GPC5: variants seen among roughly 807,000 people sequenced by gnomAD.
GPC5 encodes glypican 5, also known as glypican-5.
Under a neutral mutation model 53.9 loss-of-function variants are expected in GPC5, and 47 were observed. The observed-to-expected ratio is 0.87, with a 90% CI of 0.69 to 1.11. The LOEUF is 1.11. Among genes scored for constraint, GPC5 ranks in the 50% most tolerant of loss-of-function variants. GPC5 has a pLI of 0.00. For missense variants in GPC5, 748 were observed against 713.1 expected (o/e 1.05, Z -0.56); for synonymous variants, 286 against 263.3 (o/e 1.09, Z -0.84).
At chr13:91,573,912 GTA>G (rs2032038398) in intron 2 of GPC5, among the ~76,000 whole-genome samples, 1 of 152,094 alleles carries the variant, frequency 6.6e-6, no homozygotes, top group African/African-American at 2.4e-5. Flanking sequence ...ACACCTATGT[GTA>G]TATGTCTATC....
intron 3 of GPC5, among the ~76,000 whole-genome samples, chr13:91,719,829 T>G (rs1395452005): frequency 7.1e-6 from 1 of 140,110 alleles, no homozygotes; most frequent in East Asian, 2.3e-4. Flanking sequence ...CTCTTCTCCC[T>G]CATTTTTTTT....
intron 6 of GPC5, among the ~76,000 whole-genome samples, chr13:91,925,094 C>A (rs1291124529): frequency 1.3e-5 from 2 of 152,182 alleles, no homozygotes; most frequent in East Asian, 3.9e-4. Flanking sequence ...GCCGGGATTA[C>A]AGGCGTGAGC....
chr13:92,362,244 T>G lies in GPC5; in HGVS notation c.1561+217255T>G, dbSNP rs1007528189. 2.6e-5 allele frequency among the ~76,000 whole-genome samples: 4 copies of G among 151,880 alleles called. No homozygotes were observed. The East Asian group carries it at 5.8e-4, about 22-fold the overall frequency. ...GCAGTGTTTTCCTTTTTTATTAGACTGTAAGAATTGCTTCTTTTCAAACTG... is the reference window on the plus strand; with the variant it reads ...GCAGTGTTTTCCTTTTTTATTAGACGGTAAGAATTGCTTCTTTTCAAACTG... On this transcript the variant is annotated intron_variant, in intron 7 of 7. Transcript: ENST00000377067.
intron 7 of GPC5, among the ~76,000 whole-genome samples, chr13:92,333,598 C>T (rs982288334): frequency 6.6e-6 from 1 of 152,088 alleles, no homozygotes; most frequent in Non-Finnish European, 1.5e-5. Flanking sequence ...TAAAAAAAGA[C>T]TGAGACTGAA....
chr13:92,273,861 G>T (rs9516030), intron 7 of GPC5, among the ~76,000 whole-genome samples: 12,774 of 152,098 alleles, frequency 0.084, 601 homozygotes, highest in Middle Eastern at 0.12. Flanking sequence ...CATATGCAAT[G>T]AAATAAGAAA....
chr13:91,905,950 A>G (rs796213894), intron 5 of GPC5, among the ~76,000 whole-genome samples: 1 of 152,070 alleles, frequency 6.6e-6, no homozygotes, highest in African/African-American at 2.4e-5. Flanking sequence ...GATGACTTGT[A>G]TAGTGGTGAA....
rs577019829 is a variant in GPC5, at chr13:92,232,864, G to A, written c.1561+87875G>A. ...AATTGTAGCAGTTATCCAATCTTCC[G>A]CATTTTTTTTGACGATTCAAGCAAG... On this transcript the variant is annotated intron_variant, in intron 7 of 7. Transcript: ENST00000377067. 1.1e-4 allele frequency among the ~76,000 whole-genome samples: 17 copies of A among 152,094 alleles called. No individual in the cohort carries two copies. In the East Asian group the frequency reaches 2.7e-3, roughly 24 times the overall value.
rs183244551 is a variant in GPC5, at chr13:92,593,018, C to T, written c.1562-273264C>T. Among the ~76,000 whole-genome samples, 26 of 150,940 alleles carry T rather than the reference C, an allele frequency of 1.7e-4. 1 individual carries two copies. Among genetic ancestry groups the T allele is most frequent in the Middle Eastern group, 3.6e-3 (1 of 276 alleles). ...CCCTCATGTTGGCTGGGGAATAGAT[C>T]CCTGGCCATGGTGGCCTGAAGTGAC... is the stretch of plus-strand genomic sequence containing the variant. On this transcript the variant is annotated intron_variant, in intron 7 of 7. Transcript: ENST00000377067.
At chr13:91,528,847 A>T (rs1008186800) in intron 2 of GPC5, among the ~76,000 whole-genome samples, 1 of 152,148 alleles carries the variant, frequency 6.6e-6, no homozygotes, top group Non-Finnish European at 1.5e-5. Flanking sequence ...GGAGAAAGAG[A>T]GCACAGGAGC....
intron 7 of GPC5, among the ~76,000 whole-genome samples, chr13:92,674,430 G>A (rs1248958326): frequency 6.6e-6 from 1 of 152,022 alleles, no homozygotes; most frequent in Non-Finnish European, 1.5e-5. Flanking sequence ...CAAAATTAAG[G>A]TTTCTGTAAC....
At chr13:92,542,403 C>T (rs1001512158) in intron 7 of GPC5, among the ~76,000 whole-genome samples, 10 of 152,002 alleles carry the variant, frequency 6.6e-5, no homozygotes, top group Admixed American at 3.3e-4. Flanking sequence ...ATGAGATCAA[C>T]ATTTTCAGCT....
At chr13:92,456,527 G>T (rs933354583) in intron 7 of GPC5, among the ~76,000 whole-genome samples, 1 of 152,066 alleles carries the variant, frequency 6.6e-6, no homozygotes, top group Admixed American at 6.6e-5. Context: ...AATTCATGAG[G>T]CCAGTGCAAA....
At chr13:91,730,653 C>A (rs1333487789) in intron 4 of GPC5, among the ~76,000 whole-genome samples, 1 of 152,228 alleles carries the variant, frequency 6.6e-6, no homozygotes, top group African/African-American at 2.4e-5. Flanking sequence ...ACAGGCTTAA[C>A]TGGACTCACC....
At chr13:91,655,987 A>G (rs2034836405) in intron 2 of GPC5, among the ~76,000 whole-genome samples, 1 of 152,148 alleles carries the variant, frequency 6.6e-6, no homozygotes, top group South Asian at 2.1e-4. Context: ...CGATGTGCGT[A>G]TACCCAAGGA....
At chr13:92,189,140 C>T (rs185164211) in intron 7 of GPC5, among the ~76,000 whole-genome samples, 2 of 152,228 alleles carry the variant, frequency 1.3e-5, no homozygotes, top group Admixed American at 6.5e-5. Flanking sequence ...TAGGTCCCCA[C>T]GGTGACTATC....
chr13:92,576,569 A>T (rs1883197136), intron 7 of GPC5, among the ~76,000 whole-genome samples: 1 of 152,188 alleles, frequency 6.6e-6, no homozygotes, highest in Admixed American at 6.6e-5. Flanking sequence ...GAGCCTGAAA[A>T]TTAGACATTA....
chr13:92,451,139 AC>A (rs894312433), intron 7 of GPC5, among the ~76,000 whole-genome samples: 4 of 152,182 alleles, frequency 2.6e-5, no homozygotes, highest in African/African-American at 9.7e-5. Context: ...CATCTCACTG[AC>A]CCAAGTACGT....
chr13:91,491,519 G>T (rs9583938), intron 2 of GPC5, among the ~76,000 whole-genome samples: 1 of 151,988 alleles, frequency 6.6e-6, no homozygotes, highest in South Asian at 2.1e-4. Context: ...CCAAACTCCT[G>T]TCCTTTTTTA....
chr13:92,354,780 C>T (rs1300255164), intron 7 of GPC5, among the ~76,000 whole-genome samples: 1 of 152,006 alleles, frequency 6.6e-6, no homozygotes, highest in Non-Finnish European at 1.5e-5. Context: ...AAGAGCATTC[C>T]AGGCATAAGT....
Sources: gnomAD v4.1 joint callset for allele counts (sites outside exome capture counted in the v4.1 genomes callset) on GRCh38, gnomAD v4.1.1 for gene constraint, MANE v1.5 for transcripts, NCBI Gene and HGNC (gene_info 2026-07-23, HGNC 2026-07-21) for gene names.